Variants in CAPZA2 observed in about 807,000 individuals in gnomAD.
CAPZA2 encodes the protein capping actin protein of muscle Z-line subunit alpha 2.
In CAPZA2, 13 loss-of-function variants were observed where a neutral mutation model predicts 44.0. The observed-to-expected ratio is 0.30, with a 90% CI of 0.19 to 0.47. The LOEUF (loss-of-function observed/expected upper bound fraction) is 0.47, where lower values mean the gene tolerates loss of function less well. Among genes scored for constraint, CAPZA2 ranks in the 20% least tolerant of loss-of-function variants. The probability of loss-of-function intolerance (pLI) is 1.00; values close to 1 mark genes in which losing one functional copy is unlikely to be tolerated. For synonymous variants in CAPZA2, 94 were observed against 108.2 expected, an observed-to-expected ratio of 0.87 and a Z score of 0.81; for missense variants, 244 against 338.6, an observed-to-expected ratio of 0.72 and a Z score of 2.19.
intron 4 of CAPZA2, among the ~76,000 whole-genome samples, chr7:116,901,919 G>GTATA (rs1333321043): frequency 3.4e-5 from 5 of 145,650 alleles, no homozygotes; most frequent in African/African-American, 1.2e-4. Context: ...GTGTATGTGT[G>GTATA]TATATATATA....
At chr7:116,870,894 A>G (rs1257974095) in intron 1 of CAPZA2, among the ~76,000 whole-genome samples, 3 of 152,214 alleles carry the variant, frequency 2.0e-5, no homozygotes, top group Non-Finnish European at 4.4e-5. Context: ...ACTAGTAACA[A>G]CTGGAGAACA....
chr7:116,871,918 A>G (rs147026037), intron 1 of CAPZA2, among the ~76,000 whole-genome samples: 18 of 152,282 alleles, frequency 1.2e-4, no homozygotes, highest in Non-Finnish European at 1.8e-4. Context: ...AATCAACTGG[A>G]GAGTTTATAA....
chr7:116,866,780 A>G (rs1229968424), intron 1 of CAPZA2, among the ~76,000 whole-genome samples: 1 of 152,214 alleles, frequency 6.6e-6, no homozygotes, highest in Non-Finnish European at 1.5e-5. Flanking sequence ...TCTCCCAGGT[A>G]CATAGCTGTA....
intron 1 of CAPZA2, among the ~76,000 whole-genome samples, chr7:116,883,848 T>C (rs770133865): frequency 3.9e-5 from 6 of 152,264 alleles, no homozygotes; most frequent in Non-Finnish European, 7.3e-5. Flanking sequence ...TTACTAAATA[T>C]GCTATATGTG....
intron 1 of CAPZA2, among the ~76,000 whole-genome samples, chr7:116,876,959 A>G (rs545482177): frequency 6.6e-6 from 1 of 152,342 alleles, no homozygotes; most frequent in South Asian, 2.1e-4. Context: ...GACGTGATCC[A>G]TTCATTGTTT....
rs1791760543 is a variant in CAPZA2, at chr7:116,920,823, A to G, written c.*2956A>G. Reference sequence around the variant, plus strand: ...AATGAATTTAAAGTAAATGAGACCAATGATGAGCATGGCTGTATGTTTTTC... The same window carrying G: ...AATGAATTTAAAGTAAATGAGACCAGTGATGAGCATGGCTGTATGTTTTTC... On this transcript the variant is annotated 3_prime_UTR_variant, in exon 10 of 10. Coordinates refer to ENST00000361183, the MANE Select transcript of CAPZA2 (RefSeq NM_006136.3). The G allele has an allele frequency of 6.6e-6, 1 of 152,274 alleles. No individual in the cohort carries two copies. Among genetic ancestry groups the G allele is most frequent in the Non-Finnish European group, 1.5e-5 (1 of 68,082 alleles). 9.4% of individuals were successfully genotyped at this position (152,274 alleles called of 1,614,324 possible).
chr7:116,878,657 G>C (rs1796651627), intron 1 of CAPZA2, among the ~76,000 whole-genome samples: 1 of 152,096 alleles, frequency 6.6e-6, no homozygotes, highest in Non-Finnish European at 1.5e-5. Context: ...AAGTGAGCAG[G>C]GTCAAGTGGA....
intron 3 of CAPZA2, among the ~76,000 whole-genome samples, chr7:116,897,624 G>C (rs1796944458): frequency 6.6e-6 from 1 of 151,986 alleles, no homozygotes; most frequent in South Asian, 2.1e-4. Flanking sequence ...GAAATTCTCA[G>C]TATCCTTTCT....
At chr7:116,904,989 A>AAAAAAAAC (rs71148343) in intron 5 of CAPZA2, among the ~76,000 whole-genome samples, 2 of 149,288 alleles carry the variant, frequency 1.3e-5, no homozygotes, top group Non-Finnish European at 3.0e-5. Context: ...AAAAAAAAAA[A>AAAAAAAAC]CAATTAGCCG....
intron 6 of CAPZA2, 105 bp downstream of exon 6, chr7:116,906,447 C>T (rs1230433114): frequency 6.8e-7 from 1 of 1,467,752 alleles, no homozygotes; most frequent in Non-Finnish European, 9.0e-7. Flanking sequence ...TGATTAAGAA[C>T]AATTTAGAGA....
rs370470479 is a variant in CAPZA2 at position 116,866,245 on chromosome 7, C to T, written c.39+3595C>T. Among the ~76,000 whole-genome samples the T allele has an allele frequency of 3.7e-4, 55 of 150,664 alleles. No individual in the cohort carries two copies. In the East Asian group the frequency reaches 5.7e-3, roughly 16 times the overall value. On this transcript the variant is annotated intron_variant, in intron 1 of 9. Transcript: ENST00000361183. ...CTTTCACCCAGGCGGTATCTCGGCT[C>T]ACTGCAAGCTCCGCCTCCTGGGTTC...
At chr7:116,890,510 A>T (rs1269876130) in intron 2 of CAPZA2, among the ~76,000 whole-genome samples, 1 of 9,604 alleles carries the variant, frequency 1.0e-4, no homozygotes, top group African/African-American at 3.7e-4. Flanking sequence ...GTCTCTACTT[A>T]AAAAAAAAAA....
intron 4 of CAPZA2, among the ~76,000 whole-genome samples, chr7:116,900,378 G>A (rs1457056915): frequency 6.7e-6 from 1 of 149,532 alleles, no homozygotes; most frequent in African/African-American, 2.5e-5. Flanking sequence ...GGAATACCAA[G>A]AGATTCTAAT....
chr7:116,909,781 A>G (rs1050091012), intron 6 of CAPZA2: 1 of 171,036 alleles, frequency 5.8e-6, no homozygotes, highest in African/African-American at 2.4e-5. Flanking sequence ...TTATTTTGGA[A>G]ATATAAGTGA....
In CAPZA2 at chr7:116,921,558, C is replaced by T. The variant is rs1163845398; in HGVS notation, c.*3691C>T. 1.3e-5 allele frequency: 2 copies of T among 152,234 alleles called. No homozygotes were observed. Among genetic ancestry groups the T allele is most frequent in the African/African-American group, 4.8e-5 (2 of 41,420 alleles). 9.4% of individuals were successfully genotyped at this position (152,234 alleles called of 1,614,324 possible). A position where few individuals can be genotyped will look rare whatever the true frequency, so the allele number is the denominator to read the frequency against. On this transcript the variant is annotated 3_prime_UTR_variant, in exon 10 of 10. Transcript: ENST00000361183. ...ATTAGCCGGGCATGGTGGCACATGC[C>T]TGTAGTCCCAGCTACTCAGGAGGCT... is the stretch of plus-strand genomic sequence containing the variant.
At position 116,904,228 on chromosome 7, in the gene CAPZA2, A is replaced by G; in HGVS notation, c.271A>G (p.Lys91Glu). 1 of 1,613,968 alleles carries G rather than the reference A, an allele frequency of 6.2e-7. No individual in the cohort carries two copies. Among genetic ancestry groups the G allele is most frequent in the Non-Finnish European group, 8.5e-7 (1 of 1,179,870 alleles). The change falls in exon 5 of 10, where the codon AAG (lysine) becomes GAG (glutamate). Residue 91 changes from lysine (K) to glutamate (E), a missense_variant. Transcript: ENST00000361183. ...DLGNGKFLDP[K>E]NRICFKFDHL... ...GGGAAATGGAAAGTTTTTGGATCCA[A>G]AGAACAGAATCTGTTTTAAATTTGA...
intron 1 of CAPZA2, chr7:116,880,256 T>G (rs1796674346): frequency 2.9e-6 from 1 of 350,184 alleles, no homozygotes; most frequent in African/African-American, 2.1e-5. Context: ...AAATCATGAG[T>G]TGGTTCAAAT....
intron 1 of CAPZA2, chr7:116,879,928 G>A: frequency 2.9e-6 from 1 of 343,330 alleles, no homozygotes; most frequent in South Asian, 2.3e-5. Flanking sequence ...AACAGATTCT[G>A]CCTTGAAGGG....
chr7:116,871,871 A>G (rs2115874783), intron 1 of CAPZA2, among the ~76,000 whole-genome samples: 1 of 152,360 alleles, frequency 6.6e-6, no homozygotes, highest in South Asian at 2.1e-4. Flanking sequence ...CCTAGCCTGT[A>G]TTAAATCAGT....
Sources: gnomAD v4.1 joint callset for allele counts (sites outside exome capture counted in the v4.1 genomes callset) on GRCh38, gnomAD v4.1.1 for gene constraint, MANE v1.5 for transcripts, NCBI Gene and HGNC (gene_info 2026-07-23, HGNC 2026-07-21) for gene names.